Variants in PTPRK observed in about 807,000 individuals in gnomAD.
PTPRK encodes protein tyrosine phosphatase receptor type K.
PTPRK carries 75 observed loss-of-function variants against 178.0 expected under a neutral mutation model. The observed-to-expected ratio is 0.42, with a 90% CI of 0.35 to 0.51. PTPRK has a LOEUF of 0.51. Ranked by LOEUF, PTPRK falls within the 20% of genes least tolerant of loss-of-function variation. The probability of loss-of-function intolerance (pLI) is 0.02; values close to 1 mark genes in which losing one functional copy is unlikely to be tolerated. For synonymous variants in PTPRK, 637 were observed against 620.6 expected, an observed-to-expected ratio of 1.03 and a Z score of -0.39; for missense variants, 1,441 against 1,797.8, an observed-to-expected ratio of 0.80 and a Z score of 3.59.
At position 128,428,024 on chromosome 6, in the gene PTPRK, C is replaced by T. The variant is rs570244140; in HGVS notation, c.101-30336G>A. On this transcript the variant is annotated intron_variant, in intron 1 of 29. Coordinates refer to ENST00000368226, the MANE Select transcript of PTPRK (RefSeq NM_002844.4). The stretch of plus-strand genomic sequence containing the variant: ...AGGGGAATCACTTGAACCCGGGAGG[C>T]GGAGATTGCAGTGAGCCGAGATCAC... Among the ~76,000 whole-genome samples the T allele has an allele frequency of 4.0e-5, 6 of 151,878 alleles. No homozygotes were observed. The East Asian group carries it at 7.8e-4, about 20-fold the overall frequency.
intron 13 of PTPRK, among the ~76,000 whole-genome samples, chr6:128,035,335 C>A (rs1258152699): frequency 6.6e-6 from 1 of 151,962 alleles, no homozygotes; most frequent in East Asian, 1.9e-4. Context: ...CACTGCACTC[C>A]AGCCTGGGTG....
intron 14 of PTPRK, among the ~76,000 whole-genome samples, chr6:128,007,006 T>C (rs1278369907): frequency 6.6e-6 from 1 of 150,808 alleles, no homozygotes; most frequent in Non-Finnish European, 1.5e-5. Flanking sequence ...CCCACTAAAA[T>C]GTAGATAAGA....
At chr6:128,512,709 CATA>C (rs747873165) in intron 1 of PTPRK, among the ~76,000 whole-genome samples, 1 of 152,136 alleles carries the variant, frequency 6.6e-6, no homozygotes, top group Non-Finnish European at 1.5e-5. Context: ...TCTATTACAT[CATA>C]ATTTTTCTCT....
chr6:128,012,251 T>G (rs1259358406), intron 13 of PTPRK, among the ~76,000 whole-genome samples: 1 of 150,946 alleles, frequency 6.6e-6, no homozygotes, highest in African/African-American at 2.4e-5. Flanking sequence ...TTTGGATATT[T>G]TAATCACATG....
chr6:128,010,824 C>G (rs1043627752), intron 13 of PTPRK, among the ~76,000 whole-genome samples: 2 of 151,052 alleles, frequency 1.3e-5, no homozygotes, highest in East Asian at 1.9e-4. Context: ...GCAGAAAAAG[C>G]AAGGCTTTGG....
intron 7 of PTPRK, among the ~76,000 whole-genome samples, chr6:128,130,144 A>T (rs1357231589): frequency 6.6e-6 from 1 of 152,228 alleles, no homozygotes; most frequent in Non-Finnish European, 1.5e-5. Flanking sequence ...AAGTCTAAAC[A>T]GTAAGGTGCC....
At chr6:128,514,370 A>ATGTGTGTGTGTGTGTGTG (rs146438569) in intron 1 of PTPRK, among the ~76,000 whole-genome samples, 47 of 148,378 alleles carry the variant, frequency 3.2e-4, no homozygotes, top group South Asian at 8.6e-4. Flanking sequence ...CATTGTTAAG[A>ATGTGTGTGTGTGTGTGTG]TGTGTGTGTG....
intron 1 of PTPRK, among the ~76,000 whole-genome samples, chr6:128,412,471 G>A (rs150398577): frequency 1.4e-3 from 218 of 152,282 alleles, no homozygotes; most frequent in Non-Finnish European, 2.2e-3. Flanking sequence ...TCCAAGCAAA[G>A]CTGGCAGTTC....
chr6:128,159,301 T>C (rs1798355840), intron 7 of PTPRK, among the ~76,000 whole-genome samples: 2 of 151,840 alleles, frequency 1.3e-5, no homozygotes, highest in Admixed American at 1.3e-4. Flanking sequence ...CAAGATTCAA[T>C]TTATTATGTT....
chr6:128,137,548 C>T (rs922228746), intron 7 of PTPRK, among the ~76,000 whole-genome samples: 4 of 152,108 alleles, frequency 2.6e-5, no homozygotes, highest in African/African-American at 7.2e-5. Context: ...ATCCATACTA[C>T]GAACAGATAT....
At chr6:128,095,273 T>A (rs1787727432) in intron 7 of PTPRK, among the ~76,000 whole-genome samples, 1 of 152,184 alleles carries the variant, frequency 6.6e-6, no homozygotes, top group African/African-American at 2.4e-5. Context: ...ATAACACACT[T>A]TGTATCCCAT....
chr6:128,038,814 T>G (rs563655375), intron 13 of PTPRK, among the ~76,000 whole-genome samples: 1 of 152,064 alleles, frequency 6.6e-6, no homozygotes, highest in Non-Finnish European at 1.5e-5. Context: ...TCATTCTTCA[T>G]GCAACAATTT....
rs75298824 is a variant in PTPRK, at chr6:128,411,666, T to C, written c.101-13978A>G. Among the ~76,000 whole-genome samples, 1,092 of 152,322 alleles carry C rather than the reference T, an allele frequency of 7.2e-3. 2 individuals carry two copies. The highest frequency in any genetic ancestry group is 9.6e-3 in the Non-Finnish European group (654 of 68,030). ...TCTCAAAGGGGACTAATGAAAATAT[T>C]TGGTCAGAACACAAATGAAGTGTAA... On this transcript the variant is annotated intron_variant, in intron 1 of 29. Transcript: ENST00000368226.
At chr6:128,346,990 T>G (rs1832514692) in intron 2 of PTPRK, among the ~76,000 whole-genome samples, 1 of 152,148 alleles carries the variant, frequency 6.6e-6, no homozygotes, top group African/African-American at 2.4e-5. Flanking sequence ...ACACTAAGAT[T>G]TGCCTGTTTA....
intron 2 of PTPRK, among the ~76,000 whole-genome samples, chr6:128,330,103 G>C (rs142421795): frequency 1.3e-5 from 2 of 152,138 alleles, no homozygotes; most frequent in East Asian, 1.9e-4. Context: ...GCCAGAAACT[G>C]TTGGTGTAAA....
At chr6:128,125,591 T>A (rs1793206102) in intron 7 of PTPRK, among the ~76,000 whole-genome samples, 1 of 150,944 alleles carries the variant, frequency 6.6e-6, no homozygotes, top group South Asian at 2.1e-4. Context: ...TACACTTGCC[T>A]TTGGGCTTTT....
chr6:128,230,384 C>CA (rs1395168300), intron 5 of PTPRK, among the ~76,000 whole-genome samples: 9 of 151,998 alleles, frequency 5.9e-5, no homozygotes, highest in African/African-American at 7.2e-5. Flanking sequence ...TATATAACTG[C>CA]AAAAAAACTA....
intron 3 of PTPRK, among the ~76,000 whole-genome samples, chr6:128,280,706 T>C (rs1036553827): frequency 7.5e-4 from 115 of 152,318 alleles, no homozygotes; most frequent in Non-Finnish European, 9.1e-4. Flanking sequence ...CTTTGAAAAT[T>C]ATGTTCACAA....
At chr6:128,367,792 G>A (rs1347184971) in intron 2 of PTPRK, among the ~76,000 whole-genome samples, 2 of 151,988 alleles carry the variant, frequency 1.3e-5, no homozygotes, top group African/African-American at 4.8e-5. Context: ...TCAAACACAG[G>A]TTTCTTAGCA....
Sources: gnomAD v4.1 joint callset for allele counts (sites outside exome capture counted in the v4.1 genomes callset) on GRCh38, gnomAD v4.1.1 for gene constraint, MANE v1.5 for transcripts, NCBI Gene and HGNC (gene_info 2026-07-23, HGNC 2026-07-21) for gene names.